Variants in PRAMEF20 observed in about 807,000 individuals in gnomAD.
PRAMEF20 encodes PRAME family member 20/21.
Under a neutral mutation model 32.4 loss-of-function variants are expected in PRAMEF20, and 27 were observed. The ratio of observed to expected loss-of-function variants is 0.83; its 90% CI spans 0.61 to 1.15. The LOEUF is 1.15. Among genes scored for constraint, PRAMEF20 ranks in the 50% most tolerant of loss-of-function variants. The pLI, the probability that PRAMEF20 is intolerant of heterozygous loss-of-function variation, is 0.00. For missense variants in PRAMEF20, 604 were observed against 584.5 expected (o/e 1.03, Z -0.34); for synonymous variants, 256 against 235.4 (o/e 1.09, Z -0.80).
chr1:13,413,972 A>C (rs1489863711), upstream of PRAMEF20, among the ~76,000 whole-genome samples: 1 of 152,020 alleles, frequency 6.6e-6, no homozygotes, highest in African/African-American at 2.4e-5. Context: ...TTATCCCCAA[A>C]ATTTTGATTT....
exon 2 of PRAMEF20, chr1:13,418,305 C>A: frequency 6.2e-7 from 1 of 1,613,848 alleles, no homozygotes; most frequent in South Asian, 1.1e-5. Flanking sequence ...GCCTCAAGAA[C>A]AGGACTCTGG....
chr1:13,415,382 A>T (rs1641158542), upstream of PRAMEF20, among the ~76,000 whole-genome samples: 2 of 151,924 alleles, frequency 1.3e-5, no homozygotes, highest in Non-Finnish European at 2.9e-5. Flanking sequence ...ATGCCCAGCC[A>T]AAGTGGTTCA....
chr1:13,419,356 C>A (rs990310655), intron 2 of PRAMEF20, among the ~76,000 whole-genome samples: 4 of 151,920 alleles, frequency 2.6e-5, no homozygotes, highest in Non-Finnish European at 5.9e-5. Context: ...ACCATGTTGG[C>A]CAGGCTGGTC....
At chr1:13,414,123 C>T (rs1641138568), upstream of PRAMEF20, among the ~76,000 whole-genome samples, 1 of 152,026 alleles carries the variant, frequency 6.6e-6, no homozygotes, top group African/African-American at 2.4e-5. Flanking sequence ...CTCACTGCAA[C>T]CTCCGACTCT....
At chr1:13,416,732 G>A (rs979439374) in intron 1 of PRAMEF20, 91 bp downstream of exon 2, 4 of 1,603,922 alleles carry the variant, frequency 2.5e-6, no homozygotes, top group East Asian at 4.5e-5. Flanking sequence ...TCCAAGGAGG[G>A]CCCACAGGCT....
At chr1:13,415,862 A>T (rs889406177), upstream of PRAMEF20, among the ~76,000 whole-genome samples, 1 of 152,116 alleles carries the variant, frequency 6.6e-6, no homozygotes, top group Admixed American at 6.6e-5. Flanking sequence ...GGAGAGAGAA[A>T]GAGAAAGAAA....
chr1:13,416,529 T>C (rs747099068), exon 1 of PRAMEF20: 3 of 1,614,130 alleles, frequency 1.9e-6, no homozygotes, highest in Non-Finnish European at 1.7e-6. Context: ...GGTGCAGGCC[T>C]GGCCTTTCCT....
In PRAMEF20 at chr1:13,418,344, G is replaced by A; in HGVS notation, c.510G>A (p.Trp170Ter). Reference sequence around the variant, plus strand: ...AATACTTCACCTGCCTCTTTCTATGGGTCAAGCAGAGGGAAGGTTTAGTAC... The same window carrying A: ...AATACTTCACCTGCCTCTTTCTATGAGTCAAGCAGAGGGAAGGTTTAGTAC... The change falls in exon 2 of 3, where the codon TGG becomes TGA. Residue 170 changes from tryptophan to a stop codon, truncating the protein, a stop_gained. Transcript: ENST00000602960. LOFTEE classifies it high-confidence loss of function. 6.2e-7 allele frequency: 1 copy of A among 1,613,804 alleles called. No individual in the cohort carries two copies. Among genetic ancestry groups the A allele is most frequent in the Non-Finnish European group, 8.5e-7 (1 of 1,179,836 alleles).
chr1:13,417,614 A>C (rs1055752246), intron 1 of PRAMEF20, among the ~76,000 whole-genome samples: 1 of 151,766 alleles, frequency 6.6e-6, no homozygotes, highest in African/African-American at 2.4e-5. Context: ...AAAAAAAAAA[A>C]GTGGAACTGG....
At chr1:13,411,956 G>A (rs936342895), upstream of PRAMEF20, among the ~76,000 whole-genome samples, 1 of 151,920 alleles carries the variant, frequency 6.6e-6, no homozygotes, top group South Asian at 2.1e-4. Flanking sequence ...CTTTTTCTCT[G>A]GTGTCCTTTA....
chr1:13,417,159 G>T (rs1256467318), intron 1 of PRAMEF20, among the ~76,000 whole-genome samples: 2 of 152,168 alleles, frequency 1.3e-5, no homozygotes, highest in Admixed American at 6.5e-5. Flanking sequence ...TCCACAGCGT[G>T]GAAGGGGACC....
chr1:13,415,541 G>A (rs2100431231), upstream of PRAMEF20, among the ~76,000 whole-genome samples: 1 of 152,260 alleles, frequency 6.6e-6, no homozygotes, highest in South Asian at 2.1e-4. Flanking sequence ...AGCACTTTGG[G>A]AGGCCAAGGT....
At chr1:13,418,490 C>T (rs1641207507) in exon 2 of PRAMEF20, 2 of 1,613,880 alleles carry the variant, frequency 1.2e-6, no homozygotes, top group Admixed American at 3.3e-5. Flanking sequence ...TGGACACTGC[C>T]CGTCCTGGCA....
chr1:13,417,390 AG>A (rs2100434150), intron 1 of PRAMEF20, among the ~76,000 whole-genome samples: 1 of 152,200 alleles, frequency 6.6e-6, no homozygotes, highest in South Asian at 2.1e-4. Context: ...CACTGGAGCC[AG>A]GAAGTCCAGC....
intron 1 of PRAMEF20, among the ~76,000 whole-genome samples, chr1:13,416,891 G>A (rs1641181583): frequency 6.6e-6 from 1 of 152,218 alleles, no homozygotes; most frequent in South Asian, 2.1e-4. Flanking sequence ...TGGGAACTAG[G>A]CTGGGCACAG....
intron 1 of PRAMEF20, 150 bp downstream of exon 2, chr1:13,416,791 G>T (rs1373626369): frequency 3.9e-6 from 6 of 1,535,424 alleles, no homozygotes; most frequent in Non-Finnish European, 5.3e-6. Flanking sequence ...CCATTGCCCA[G>T]CTCCTCAGGG....
At chr1:13,411,515 A>G (rs1463442938), upstream of PRAMEF20, among the ~76,000 whole-genome samples, 4 of 152,116 alleles carry the variant, frequency 2.6e-5, no homozygotes, top group Admixed American at 1.3e-4. Context: ...TGTAAGAAAA[A>G]CAGTCTTAAA....
upstream of PRAMEF20, among the ~76,000 whole-genome samples, chr1:13,411,773 T>C (rs1043825547): frequency 4.6e-5 from 7 of 152,218 alleles, no homozygotes; most frequent in African/African-American, 1.7e-4. Flanking sequence ...TGATTTGGTT[T>C]GACAAGTGTT....
At chr1:13,411,254 G>A in the PRAMEF20 span, among the ~76,000 whole-genome samples, 3 of 152,072 alleles carry the variant, frequency 2.0e-5, no homozygotes, top group African/African-American at 7.2e-5. Flanking sequence ...CCTTGAGCCC[G>A]GAAGTTTGAG....
Sources: gnomAD v4.1 joint callset for allele counts (sites outside exome capture counted in the v4.1 genomes callset) on GRCh38, gnomAD v4.1.1 for gene constraint, MANE v1.5 for transcripts, NCBI Gene and HGNC (gene_info 2026-07-23, HGNC 2026-07-21) for gene names.